Variants in MAP7D2 observed in about 807,000 individuals in gnomAD.
MAP7D2 encodes MAP7 domain containing 2, also known as MAP7 domain-containing protein 2.
Under a neutral mutation model 63.5 loss-of-function variants are expected in MAP7D2, and 33 were observed. That is an observed-to-expected ratio of 0.52 (90% CI 0.39 to 0.70). The LOEUF (loss-of-function observed/expected upper bound fraction) is 0.70. Ranked by LOEUF, MAP7D2 falls within the 30% of genes least tolerant of loss-of-function variation. MAP7D2 has a pLI of 0.00. For missense variants in MAP7D2, 626 were observed against 604.0 expected, an observed-to-expected ratio of 1.04 and a Z score of -0.38; for synonymous variants, 224 against 223.7, an observed-to-expected ratio of 1.00 and a Z score of -0.01.
At chrX:20,020,943 C>G (rs1198501169) in intron 10 of MAP7D2, among the ~76,000 whole-genome samples, 1 of 112,286 alleles carries the variant, frequency 8.9e-6, no homozygotes, top group Non-Finnish European at 1.9e-5. Context: ...CCCACCTCAG[C>G]CTTTCAAGTA....
intron 12 of MAP7D2, among the ~76,000 whole-genome samples, chrX:20,014,652 A>G (rs1369822093): frequency 1.8e-5 from 2 of 112,194 alleles, no homozygotes; most frequent in Admixed American, 9.5e-5. Flanking sequence ...ATAAATATAT[A>G]TAAAACAAAA....
rs1329394302 is a variant in MAP7D2 at position 20,069,587 on chromosome X, C to A, written c.131-4782G>T. Among the ~76,000 whole-genome samples the A allele has an allele frequency of 2.7e-5, 3 of 109,232 alleles. No homozygotes were observed. The Admixed American group carries it at 2.9e-4, about 11-fold the overall frequency. 94.9% of individuals were successfully genotyped at this position (109,232 alleles called of 115,157 possible). A position where few individuals can be genotyped will look rare whatever the true frequency, so the allele number is the denominator to read the frequency against. Reference sequence around the variant, plus strand: ...GAACTTATGGAGAACAGATCCATGCCTACATGCTTGCCAGGGGTTGAGAGG... The same window carrying A: ...GAACTTATGGAGAACAGATCCATGCATACATGCTTGCCAGGGGTTGAGAGG... On this transcript the variant is annotated intron_variant, in intron 1 of 16. Coordinates refer to ENST00000379643, the MANE Select transcript of MAP7D2 (RefSeq NM_001168465.2).
chrX:20,043,005 C>T (rs2064702961), intron 7 of MAP7D2, among the ~76,000 whole-genome samples: 1 of 111,664 alleles, frequency 9.0e-6, no homozygotes, highest in Admixed American at 9.5e-5. Flanking sequence ...AGCTGTGGCC[C>T]CTGATGGTAT....
intron 1 of MAP7D2, among the ~76,000 whole-genome samples, chrX:20,100,776 C>A (rs2066410966): frequency 9.0e-6 from 1 of 111,421 alleles, no homozygotes; most frequent in African/African-American, 3.3e-5. Flanking sequence ...AATCCCAGCA[C>A]TTTGGGAGGC....
chrX:20,077,708 A>G (rs1479354166), intron 1 of MAP7D2, among the ~76,000 whole-genome samples: 1 of 112,100 alleles, frequency 8.9e-6, no homozygotes, highest in Non-Finnish European at 1.9e-5. Context: ...CTGCACACAC[A>G]CCTGGAAACC....
intron 1 of MAP7D2, among the ~76,000 whole-genome samples, chrX:20,115,721 A>T (rs1254661172): frequency 7.2e-5 from 8 of 111,804 alleles, no homozygotes; most frequent in Admixed American, 2.8e-4. Flanking sequence ...GCGTGTTTTA[A>T]GAAGATTTCT....
intron 8 of MAP7D2, among the ~76,000 whole-genome samples, chrX:20,040,616 T>A (rs1360021298): frequency 9.0e-6 from 1 of 111,071 alleles, no homozygotes; most frequent in Admixed American, 9.7e-5. Flanking sequence ...TCAATATTAC[T>A]CTGTCTCAGG....
chrX:20,034,940 T>A (rs1002466272), intron 8 of MAP7D2, among the ~76,000 whole-genome samples: 1 of 111,864 alleles, frequency 8.9e-6, no homozygotes, highest in African/African-American at 3.3e-5. Flanking sequence ...ACCCCGCCTA[T>A]GCCCTAGTTT....
At position 20,116,824 on chromosome X, in the gene MAP7D2, CG is replaced by C; in HGVS notation, c.55del (p.Arg19GlyfsTer31). On this transcript the variant is annotated frameshift_variant, in exon 1 of 17. Transcript: ENST00000379643. LOFTEE classifies it high-confidence loss of function. ...GTGSRPEGTA[R>X]GTSLPGKIAE... is the part of the protein sequence containing the mutation. ...GATCTTCCCTGGGAGAGAGGTTCCCCGCGCAGTCCCCTCAGGCCGGGATCCC... is the reference window on the plus strand; with the variant it reads ...GATCTTCCCTGGGAGAGAGGTTCCCCCGCAGTCCCCTCAGGCCGGGATCCC... The C allele has an allele frequency of 8.5e-7, 1 of 1,182,674 alleles. No individual in the cohort carries two copies. The highest frequency in any genetic ancestry group is 1.1e-6 in the Non-Finnish European group (1 of 882,394).
At chrX:20,071,381 T>C (rs963658224) in intron 1 of MAP7D2, among the ~76,000 whole-genome samples, 2 of 112,465 alleles carry the variant, frequency 1.8e-5, no homozygotes, top group African/African-American at 6.5e-5. Context: ...CGCGTGTGAT[T>C]CTAATGTGCA....
chrX:20,012,097 T>A (rs1220446084), intron 15 of MAP7D2, among the ~76,000 whole-genome samples: 1 of 111,049 alleles, frequency 9.0e-6, no homozygotes, highest in African/African-American at 3.3e-5. Context: ...ATTCCCTCCT[T>A]CCCCTTTCTC....
chrX:20,110,272 G>A (rs1241128548), intron 1 of MAP7D2, among the ~76,000 whole-genome samples: 1 of 109,528 alleles, frequency 9.1e-6, no homozygotes, highest in East Asian at 2.9e-4. Flanking sequence ...CAGATCACTT[G>A]AGGTCAGGAG....
intron 12 of MAP7D2, among the ~76,000 whole-genome samples, chrX:20,014,440 C>A (rs1469217508): frequency 9.0e-6 from 1 of 110,828 alleles, no homozygotes; most frequent in African/African-American, 3.3e-5. Context: ...TGGTGGTGTG[C>A]GCCTGTAATC....
intron 1 of MAP7D2, among the ~76,000 whole-genome samples, chrX:20,107,494 C>T (rs924083984): frequency 1.6e-4 from 18 of 110,978 alleles, no homozygotes; most frequent in Non-Finnish European, 3.2e-4. Context: ...CCGTTTGAAC[C>T]GGGGAGGTAG....
chrX:20,060,432 G>GAAAGAAAGAA (rs2065185967), intron 3 of MAP7D2, among the ~76,000 whole-genome samples: 16 of 69,221 alleles, frequency 2.3e-4, no homozygotes, highest in African/African-American at 1.1e-3. Context: ...GAGAGAGAGA[G>GAAAGAAAGAA]AGAAAGAAAG....
At chrX:20,069,301 G>A (rs1266613217) in intron 1 of MAP7D2, among the ~76,000 whole-genome samples, 3 of 110,896 alleles carry the variant, frequency 2.7e-5, no homozygotes. Flanking sequence ...CCAACTCTTG[G>A]GCTTAAGTGA....
intron 8 of MAP7D2, among the ~76,000 whole-genome samples, chrX:20,032,840 T>C (rs780543063): frequency 8.9e-6 from 1 of 112,357 alleles, no homozygotes; most frequent in Non-Finnish European, 1.9e-5. Context: ...ATTGAGAGCA[T>C]AGTCCTTCAC....
chrX:20,054,770 C>T (rs1189200980), intron 4 of MAP7D2, among the ~76,000 whole-genome samples: 1 of 110,845 alleles, frequency 9.0e-6, no homozygotes, highest in African/African-American at 3.3e-5. Context: ...TTAGTAGAGG[C>T]GGGGTTTTAC....
chrX:20,099,532 A>G (rs1024841452), intron 1 of MAP7D2, among the ~76,000 whole-genome samples: 6 of 111,749 alleles, frequency 5.4e-5, no homozygotes, highest in Non-Finnish European at 9.4e-5. Context: ...ATCTGTGCCC[A>G]CCATCCTGTG....
Sources: gnomAD v4.1 joint callset for allele counts (sites outside exome capture counted in the v4.1 genomes callset) on GRCh38, gnomAD v4.1.1 for gene constraint, MANE v1.5 for transcripts, NCBI Gene and HGNC (gene_info 2026-07-23, HGNC 2026-07-21) for gene names.